ATRX: variants seen among roughly 807,000 people sequenced by gnomAD.
The protein encoded by ATRX is ATRX chromatin remodeler, also known as chromatin remodeler ATRX.
Under a neutral mutation model 172.6 loss-of-function variants are expected in ATRX, and 12 were observed. The ratio of observed to expected loss-of-function variants is 0.07; its 90% CI spans 0.04 to 0.11. ATRX has a LOEUF of 0.11. ATRX is among the 10% of genes least tolerant of loss of function. ATRX has a pLI of 1.00. For missense variants in ATRX, 1,368 were observed against 1,767.4 expected, an observed-to-expected ratio of 0.77 and a Z score of 4.05; for synonymous variants, 674 against 594.7, an observed-to-expected ratio of 1.13 and a Z score of -1.94.
At chrX:77,680,657 T>C (rs2071134856) in intron 9 of ATRX, among the ~76,000 whole-genome samples, 1 of 111,676 alleles carries the variant, frequency 9.0e-6, no homozygotes, top group Non-Finnish European at 1.9e-5. Context: ...ATTCTACCTA[T>C]GTTGGAAATA....
At chrX:77,523,153 A>G in intron 31 of ATRX, 99 bp downstream of exon 31, 1 of 1,065,555 alleles carries the variant, frequency 9.4e-7, no homozygotes, top group East Asian at 3.0e-5. Flanking sequence ...AAAACCCACT[A>G]TATTATTATT....
rs1466445247 is a variant in ATRX, at chrX:77,571,901, T to C, written c.6326+2349A>G. 7.2e-5 allele frequency among the ~76,000 whole-genome samples: 8 copies of C among 111,450 alleles called. No homozygotes were observed. In the Admixed American group the frequency reaches 7.6e-4, roughly 11 times the overall value. On this transcript the variant is annotated intron_variant, in intron 28 of 34. Coordinates refer to ENST00000373344, the MANE Select transcript of ATRX (RefSeq NM_000489.6). ...TTCCAGGTCACACAAAACAACAACG[T>C]TACAAATGGTCATTATCTTAAAGTT...
chrX:77,536,003 G>T (rs782655066), intron 30 of ATRX, among the ~76,000 whole-genome samples: 45 of 108,734 alleles, frequency 4.1e-4, no homozygotes, highest in African/African-American at 1.5e-3. Flanking sequence ...GCCTCCCAAA[G>T]TGCTGGGATT....
intron 22 of ATRX, among the ~76,000 whole-genome samples, chrX:77,614,403 A>G (rs1174684889): frequency 9.0e-6 from 1 of 111,693 alleles, no homozygotes. Flanking sequence ...CCCACACCCT[A>G]AAACTTAAAG....
chrX:77,777,693 AT>A (rs1172346521), intron 1 of ATRX, among the ~76,000 whole-genome samples: 2 of 111,710 alleles, frequency 1.8e-5, no homozygotes, highest in Non-Finnish European at 3.8e-5. Flanking sequence ...CTCAGAAATA[AT>A]TTTTTATCTT....
intron 1 of ATRX, among the ~76,000 whole-genome samples, chrX:77,746,525 T>C (rs2075084719): frequency 8.9e-6 from 1 of 111,940 alleles, no homozygotes; most frequent in Admixed American, 9.5e-5. Context: ...AACTTATTTA[T>C]TTTCAGATGA....
chrX:77,729,286 C>A (rs181307272), intron 1 of ATRX, among the ~76,000 whole-genome samples: 100 of 111,021 alleles, frequency 9.0e-4, no homozygotes, highest in Middle Eastern at 4.7e-3. Flanking sequence ...AAATAGCAGG[C>A]TATAAACTGT....
Position 77,706,761 on chromosome X carries a change from C to T in ATRX, c.134-8132G>A, listed in dbSNP as rs782296814. 5.4e-5 allele frequency among the ~76,000 whole-genome samples: 6 copies of T among 110,153 alleles called. No individual in the cohort carries two copies. In the East Asian group the frequency reaches 1.7e-3, roughly 31 times the overall value. On this transcript the variant is annotated intron_variant, in intron 2 of 34. Transcript: ENST00000373344. The stretch of plus-strand genomic sequence containing the variant: ...AAAAATAAAAAAAAAAAAATACTAG[C>T]CAGACATGGTGGCACACAACTATAG...
intron 1 of ATRX, among the ~76,000 whole-genome samples, chrX:77,751,806 G>C (rs1246167118): frequency 4.5e-5 from 5 of 111,863 alleles, no homozygotes; most frequent in African/African-American, 1.6e-4. Context: ...TGTCAGATTT[G>C]TTGAAGATCA....
At chrX:77,645,977 G>C (rs2068890387) in intron 15 of ATRX, among the ~76,000 whole-genome samples, 1 of 111,664 alleles carries the variant, frequency 9.0e-6, no homozygotes, top group African/African-American at 3.3e-5. Context: ...AAATGAAAGT[G>C]AGATGGGAAT....
chrX:77,622,685 C>T (rs1338077343), intron 19 of ATRX, among the ~76,000 whole-genome samples: 1 of 111,529 alleles, frequency 9.0e-6, no homozygotes, highest in Non-Finnish European at 1.9e-5. Context: ...GGGGGATGAA[C>T]TAAAGCCCTT....
intron 1 of ATRX, among the ~76,000 whole-genome samples, chrX:77,741,794 A>G (rs1479222699): frequency 1.8e-5 from 2 of 111,708 alleles, no homozygotes; most frequent in African/African-American, 6.5e-5. Context: ...AAATTTTTAA[A>G]TTTTTAATGA....
At chrX:77,530,022 A>T (rs1255632015) in intron 30 of ATRX, among the ~76,000 whole-genome samples, 2 of 111,719 alleles carry the variant, frequency 1.8e-5, no homozygotes, top group Non-Finnish European at 3.8e-5. Flanking sequence ...CACACAACAC[A>T]TACTCTAAAA....
chrX:77,689,151 G>A (rs782289227), intron 6 of ATRX, among the ~76,000 whole-genome samples: 1 of 112,157 alleles, frequency 8.9e-6, no homozygotes, highest in East Asian at 2.8e-4. Context: ...TCCTTTTACA[G>A]ATGCAAATGC....
At chrX:77,707,749 A>G (rs1447400171) in intron 2 of ATRX, among the ~76,000 whole-genome samples, 3 of 112,064 alleles carry the variant, frequency 2.7e-5, no homozygotes, top group East Asian at 5.6e-4. Flanking sequence ...CCTGTCAAAA[A>G]GAAAAAGACT....
chrX:77,708,629 C>T (rs1272414343), intron 2 of ATRX, among the ~76,000 whole-genome samples: 4 of 109,872 alleles, frequency 3.6e-5, no homozygotes, highest in African/African-American at 1.3e-4. Context: ...CACTGCACTC[C>T]AGCCTGGGCA....
intron 30 of ATRX, among the ~76,000 whole-genome samples, chrX:77,545,700 G>A (rs1398548704): frequency 1.8e-5 from 2 of 111,812 alleles, no homozygotes; most frequent in Non-Finnish European, 3.8e-5. Flanking sequence ...CATTCAGATA[G>A]TAACAGTCTC....
At chrX:77,626,264 CGGACTTTGG>C (rs1297968994) in intron 19 of ATRX, among the ~76,000 whole-genome samples, 6 of 106,016 alleles carry the variant, frequency 5.7e-5, no homozygotes, top group South Asian at 4.3e-4. Context: ...AATGACACAA[CGGACTTTGG>C]GGACTTTGGG....
chrX:77,696,346 G>T (rs2072184822), intron 5 of ATRX, among the ~76,000 whole-genome samples: 1 of 111,242 alleles, frequency 9.0e-6, no homozygotes, highest in South Asian at 3.7e-4. Flanking sequence ...AAACTCAAAG[G>T]AAAGAAAAAA....
Sources: allele counts gnomAD v4.1 joint callset (sites outside exome capture counted in the v4.1 genomes callset), GRCh38; gene constraint gnomAD v4.1.1; transcripts MANE v1.5; gene names NCBI Gene and HGNC (gene_info 2026-07-23, HGNC 2026-07-21).